The following ERBB4 variants were observed in gnomAD, a reference collection of about 807,000 sequenced individuals.
ERBB4 encodes receptor tyrosine-protein kinase erbB-4.
In ERBB4, 42 loss-of-function variants were observed where a neutral mutation model predicts 158.0. The ratio of observed to expected loss-of-function variants is 0.27; its 90% CI spans 0.21 to 0.34. ERBB4 has a LOEUF of 0.34. ERBB4 is among the 10% of genes least tolerant of loss of function. ERBB4 has a pLI of 1.00. For missense variants in ERBB4, 1,333 were observed against 1,624.1 expected, an observed-to-expected ratio of 0.82 and a Z score of 3.08; for synonymous variants, 583 against 558.7, an observed-to-expected ratio of 1.04 and a Z score of -0.61.
chr2:212,120,585 T>A (rs991581319), intron 2 of ERBB4, among the ~76,000 whole-genome samples: 2 of 152,120 alleles, frequency 1.3e-5, no homozygotes, highest in Non-Finnish European at 2.9e-5. Flanking sequence ...TCATAGAAAT[T>A]AGAGTGGTTT....
At chr2:211,985,427 G>A (rs2081914029) in intron 2 of ERBB4, among the ~76,000 whole-genome samples, 1 of 152,116 alleles carries the variant, frequency 6.6e-6, no homozygotes, top group African/African-American at 2.4e-5. Flanking sequence ...GCATAAACAT[G>A]GGAATATGCC....
At chr2:212,268,721 C>T (rs994538227) in intron 1 of ERBB4, among the ~76,000 whole-genome samples, 1 of 151,750 alleles carries the variant, frequency 6.6e-6, no homozygotes, top group South Asian at 2.1e-4. Context: ...GGGCTGTTTT[C>T]CAATAACACT....
chr2:211,749,517 G>T (rs758615076), intron 5 of ERBB4, among the ~76,000 whole-genome samples: 188 of 90,760 alleles, frequency 2.1e-3, no homozygotes, highest in African/African-American at 6.0e-3. Context: ...GACCCACGTG[G>T]GAAGATACTA....
intron 1 of ERBB4, among the ~76,000 whole-genome samples, chr2:212,136,241 T>C (rs953655537): frequency 2.0e-5 from 3 of 152,222 alleles, no homozygotes; most frequent in Non-Finnish European, 4.4e-5. Flanking sequence ...TTGATAAAGA[T>C]GTGCACATTA....
At chr2:211,536,212 A>G (rs1292768246) in intron 20 of ERBB4, among the ~76,000 whole-genome samples, 1 of 152,094 alleles carries the variant, frequency 6.6e-6, no homozygotes. Flanking sequence ...TTCAGCTGAA[A>G]GGAAATTCTT....
intron 20 of ERBB4, among the ~76,000 whole-genome samples, chr2:211,447,949 T>C (rs879713244): frequency 6.6e-6 from 1 of 152,058 alleles, no homozygotes; most frequent in Non-Finnish European, 1.5e-5. Context: ...AAGAACTTCA[T>C]TGTATATTTT....
chr2:212,205,927 C>G (rs2082732735), intron 1 of ERBB4, among the ~76,000 whole-genome samples: 1 of 152,118 alleles, frequency 6.6e-6, no homozygotes, highest in Non-Finnish European at 1.5e-5. Context: ...ATCTTAACAT[C>G]CAAAAAGTAA....
intron 1 of ERBB4, among the ~76,000 whole-genome samples, chr2:212,532,494 AC>A (rs5838340): frequency 0.6 from 91,946 of 152,094 alleles, 29,790 homozygotes; most frequent in African/African-American, 0.84. Flanking sequence ...AAACCAATAA[AC>A]TTTTTTTCTA....
At chr2:212,384,920 T>TATATATACAC (rs764463489) in intron 1 of ERBB4, among the ~76,000 whole-genome samples, 2 of 123,774 alleles carry the variant, frequency 1.6e-5, no homozygotes, top group African/African-American at 3.4e-5. Flanking sequence ...TATATATATA[T>TATATATACAC]ACACACACAC....
chr2:212,024,253 C>G (rs2076722973), intron 2 of ERBB4, among the ~76,000 whole-genome samples: 1 of 151,850 alleles, frequency 6.6e-6, no homozygotes, highest in South Asian at 2.1e-4. Flanking sequence ...CATTCTATAC[C>G]TCTGTCCCCC....
intron 2 of ERBB4, among the ~76,000 whole-genome samples, chr2:211,971,948 C>T (rs1387833796): frequency 2.0e-5 from 3 of 151,970 alleles, no homozygotes; most frequent in Non-Finnish European, 2.9e-5. Context: ...AATAAATAAA[C>T]AAATAGAAAG....
intron 25 of ERBB4, among the ~76,000 whole-genome samples, chr2:211,416,813 CTTTTTTT>C (rs60021795): frequency 2.1e-5 from 3 of 142,138 alleles, no homozygotes; most frequent in Non-Finnish European, 4.6e-5. Context: ...GAAGCCTTCC[CTTTTTTT>C]TTTTTTTTTT....
intron 3 of ERBB4, among the ~76,000 whole-genome samples, chr2:211,933,480 T>C (rs1033799282): frequency 1.3e-5 from 2 of 152,220 alleles, no homozygotes; most frequent in African/African-American, 4.8e-5. Context: ...TTGTAGATAT[T>C]TGATGACTTT....
chr2:212,052,734 T>G (rs1029421630), intron 2 of ERBB4, among the ~76,000 whole-genome samples: 1 of 152,124 alleles, frequency 6.6e-6, no homozygotes, highest in East Asian at 1.9e-4. Context: ...TAAAACCACA[T>G]CCAGAGAGTG....
intron 20 of ERBB4, among the ~76,000 whole-genome samples, chr2:211,485,337 T>C (rs1433412900): frequency 6.6e-6 from 1 of 152,160 alleles, no homozygotes; most frequent in African/African-American, 2.4e-5. Context: ...AGATCCTGCC[T>C]TTTTAATCTG....
intron 2 of ERBB4, among the ~76,000 whole-genome samples, chr2:211,998,031 G>A (rs572120953): frequency 2.8e-4 from 43 of 151,780 alleles, no homozygotes; most frequent in African/African-American, 8.9e-4. Context: ...AACAGGCCCT[G>A]GTGTGTGATG....
intron 20 of ERBB4, among the ~76,000 whole-genome samples, chr2:211,516,548 T>C (rs2066039580): frequency 6.6e-6 from 1 of 151,956 alleles, no homozygotes; most frequent in Non-Finnish European, 1.5e-5. Context: ...TTGCCCAGGC[T>C]GGTCTTGAAC....
At chr2:211,701,407 G>A (rs960797591) in intron 12 of ERBB4, among the ~76,000 whole-genome samples, 1 of 152,070 alleles carries the variant, frequency 6.6e-6, no homozygotes, top group Admixed American at 6.5e-5. Flanking sequence ...ACATGTAAAT[G>A]CCCAGGTCTT....
rs952580802 is a variant in ERBB4, at chr2:211,867,009, T to G, written c.422-78850A>C. On this transcript the variant is annotated intron_variant, in intron 3 of 27. Coordinates refer to ENST00000342788, the MANE Select transcript of ERBB4 (RefSeq NM_005235.3). ...TTGCCCCTTCTTGCCTATTAAACTC[T>G]CCATTCCTTAAAACCAAAAAAAAAA... Among the ~76,000 whole-genome samples the G allele has an allele frequency of 2.9e-5, 3 of 104,018 alleles. No individual in the cohort carries two copies. The Admixed American group carries it at 4.0e-4, about 14-fold the overall frequency. 68.2% of individuals were successfully genotyped at this position (104,018 alleles called of 152,430 possible).
Sources: allele counts gnomAD v4.1 joint callset (sites outside exome capture counted in the v4.1 genomes callset), GRCh38; gene constraint gnomAD v4.1.1; transcripts MANE v1.5; gene names NCBI Gene and HGNC (gene_info 2026-07-23, HGNC 2026-07-21).